Variants in DAB1 observed in about 807,000 individuals in gnomAD.
DAB1 encodes DAB adaptor protein 1.
Under a neutral mutation model 64.6 loss-of-function variants are expected in DAB1, and 15 were observed. The observed-to-expected ratio is 0.23, with a 90% CI of 0.16 to 0.36. The LOEUF (loss-of-function observed/expected upper bound fraction) is 0.36, where lower values mean the gene tolerates loss of function less well. DAB1 is among the 10% of genes least tolerant of loss of function. The pLI is 1.00. For synonymous variants in DAB1, 235 were observed against 251.9 expected, an observed-to-expected ratio of 0.93 and a Z score of 0.64; for missense variants, 596 against 706.7, an observed-to-expected ratio of 0.84 and a Z score of 1.78.
At chr1:57,055,806 C>A (rs1649694787) in intron 9 of DAB1, among the ~76,000 whole-genome samples, 1 of 151,820 alleles carries the variant, frequency 6.6e-6, no homozygotes, top group Admixed American at 6.6e-5. Flanking sequence ...GGGAGAGGGT[C>A]CACCATCAAT....
chr1:58,523,385 C>A (rs910970699), intron 2 of DAB1, among the ~76,000 whole-genome samples: 1 of 152,040 alleles, frequency 6.6e-6, no homozygotes, highest in Admixed American at 6.6e-5. Context: ...GTGGTGTAAA[C>A]CTTACAGACT....
At chr1:57,277,577 C>T (rs917882854) in intron 2 of DAB1, among the ~76,000 whole-genome samples, 5 of 152,158 alleles carry the variant, frequency 3.3e-5, no homozygotes, top group African/African-American at 1.2e-4. Context: ...ATAAGACCAA[C>T]CTGATTTCAG....
chr1:57,359,757 A>G (rs1426983721), intron 1 of DAB1, among the ~76,000 whole-genome samples: 1 of 152,118 alleles, frequency 6.6e-6, no homozygotes, highest in Non-Finnish European at 1.5e-5. Context: ...TTCAGCCATA[A>G]AAAAGAATGA....
At chr1:57,110,799 C>CT (rs1243955326) in intron 4 of DAB1, among the ~76,000 whole-genome samples, 1 of 152,118 alleles carries the variant, frequency 6.6e-6, no homozygotes, top group African/African-American at 2.4e-5. Context: ...TAACCCTATG[C>CT]TACAGGCACT....
At chr1:57,187,345 C>T (rs1663668089) in intron 2 of DAB1, among the ~76,000 whole-genome samples, 1 of 152,172 alleles carries the variant, frequency 6.6e-6, no homozygotes, top group South Asian at 2.1e-4. Flanking sequence ...ATTATGTAGA[C>T]ATCTTTATAA....
At chr1:58,311,330 C>T (rs1337668700) in intron 4 of DAB1, among the ~76,000 whole-genome samples, 1 of 152,148 alleles carries the variant, frequency 6.6e-6, no homozygotes, top group Non-Finnish European at 1.5e-5. Flanking sequence ...ATAAGATCTG[C>T]CTTGTTTTTA....
chr1:58,428,523 C>T (rs557153562), intron 3 of DAB1, among the ~76,000 whole-genome samples: 22 of 152,286 alleles, frequency 1.4e-4, no homozygotes, highest in African/African-American at 4.6e-4. Context: ...TATATATAAA[C>T]ATCATTTGGA....
At chr1:57,220,558 A>T (rs1253233314) in intron 2 of DAB1, among the ~76,000 whole-genome samples, 1 of 152,260 alleles carries the variant, frequency 6.6e-6, no homozygotes, top group Non-Finnish European at 1.5e-5. Context: ...TAGAGAAGTT[A>T]TAACACATGC....
At chr1:57,155,470 G>T (rs7544802) in intron 2 of DAB1, among the ~76,000 whole-genome samples, 1 of 151,550 alleles carries the variant, frequency 6.6e-6, no homozygotes, top group African/African-American at 2.4e-5. Flanking sequence ...GATTCTTCCA[G>T]TTTTGTTTTT....
chr1:58,275,625 T>C (rs1661425280), intron 4 of DAB1, among the ~76,000 whole-genome samples: 1 of 152,190 alleles, frequency 6.6e-6, no homozygotes, highest in African/African-American at 2.4e-5. Context: ...TAGCAACTTA[T>C]ACTCATTTTA....
chr1:57,012,607 T>C (rs896830854), intron 12 of DAB1, among the ~76,000 whole-genome samples: 1 of 152,226 alleles, frequency 6.6e-6, no homozygotes, highest in African/African-American at 2.4e-5. Context: ...ATATAAAGAC[T>C]GGTTCTAATT....
intron 3 of DAB1, among the ~76,000 whole-genome samples, chr1:58,430,873 G>A (rs1433487428): frequency 6.6e-6 from 1 of 152,188 alleles, no homozygotes; most frequent in East Asian, 1.9e-4. Context: ...GTGAGCGAGA[G>A]CAAGCCGCAT....
chr1:57,342,517 C>T (rs906529753), intron 1 of DAB1, among the ~76,000 whole-genome samples: 1 of 152,202 alleles, frequency 6.6e-6, no homozygotes, highest in Non-Finnish European at 1.5e-5. Flanking sequence ...AGCAACAACT[C>T]CCTATCTAAG....
At chr1:58,285,741 C>A (rs1001112303) in intron 4 of DAB1, among the ~76,000 whole-genome samples, 5 of 152,128 alleles carry the variant, frequency 3.3e-5, no homozygotes, top group African/African-American at 1.2e-4. Flanking sequence ...CCATACTGCC[C>A]AAAGTAATTT....
At chr1:57,143,897 T>C (rs1557800429) in intron 3 of DAB1, among the ~76,000 whole-genome samples, 3 of 151,760 alleles carry the variant, frequency 2.0e-5, no homozygotes, top group Non-Finnish European at 4.4e-5. Context: ...TCATGGGCTA[T>C]TTGAAGATGT....
chr1:57,563,741 G>A (rs1196027074), intron 7 of DAB1, among the ~76,000 whole-genome samples: 1 of 152,192 alleles, frequency 6.6e-6, no homozygotes, highest in Non-Finnish European at 1.5e-5. Context: ...AAGGCTGGGG[G>A]AGGGGCACCC....
At chr1:58,262,789 A>G (rs897183676) in intron 4 of DAB1, among the ~76,000 whole-genome samples, 1 of 152,206 alleles carries the variant, frequency 6.6e-6, no homozygotes, top group African/African-American at 2.4e-5. Flanking sequence ...ATCCAATAAA[A>G]TATAGACAGA....
At chr1:57,177,483 T>C (rs973895632) in intron 2 of DAB1, among the ~76,000 whole-genome samples, 1 of 152,132 alleles carries the variant, frequency 6.6e-6, no homozygotes, top group African/African-American at 2.4e-5. Context: ...AATGTCCACA[T>C]AGAATTAGGT....
chr1:58,358,953 A>ACACACACACACACACACACAC (rs1553177556), intron 3 of DAB1, among the ~76,000 whole-genome samples: 1 of 123,850 alleles, frequency 8.1e-6, no homozygotes, highest in African/African-American at 3.1e-5. Flanking sequence ...CTCTCTCTGT[A>ACACACACACACACACACACAC]ACACACACAC....
Sources: allele counts gnomAD v4.1 joint callset (sites outside exome capture counted in the v4.1 genomes callset), GRCh38; gene constraint gnomAD v4.1.1; transcripts MANE v1.5; gene names NCBI Gene and HGNC (gene_info 2026-07-23, HGNC 2026-07-21).